SETBP1: variants seen among roughly 807,000 people sequenced by gnomAD.
The protein encoded by SETBP1 is SET-binding protein.
In SETBP1, 9 loss-of-function variants were observed where a neutral mutation model predicts 101.0. The observed-to-expected ratio is 0.09, with a 90% CI of 0.05 to 0.16. The LOEUF is 0.16. Ranked by LOEUF, SETBP1 falls within the 10% of genes least tolerant of loss-of-function variation. The pLI, the probability that SETBP1 is intolerant of heterozygous loss-of-function variation, is 1.00. For synonymous variants in SETBP1, 818 were observed against 788.5 expected (o/e 1.04, Z -0.63); for missense variants, 1,858 against 2,033.8 (o/e 0.91, Z 1.66).
At chr18:44,860,902 A>T (rs1302261040) in intron 2 of SETBP1, among the ~76,000 whole-genome samples, 1 of 152,222 alleles carries the variant, frequency 6.6e-6, no homozygotes, top group Admixed American at 6.5e-5. Context: ...CTTTACAGAG[A>T]TAAGCTGCTT....
At chr18:44,780,257 C>T (rs2071098146) in intron 2 of SETBP1, among the ~76,000 whole-genome samples, 1 of 152,180 alleles carries the variant, frequency 6.6e-6, no homozygotes, top group African/African-American at 2.4e-5. Context: ...TAATATTTTA[C>T]AAATGAAGGA....
chr18:45,030,928 G>A (rs536178596), intron 4 of SETBP1, among the ~76,000 whole-genome samples: 2 of 151,924 alleles, frequency 1.3e-5, no homozygotes, highest in South Asian at 2.1e-4. Context: ...CTTGCTAGCA[G>A]TCTATCAATT....
chr18:44,985,989 G>A (rs1450594198), intron 4 of SETBP1: 1 of 152,156 alleles, frequency 6.6e-6, no homozygotes, highest in Non-Finnish European at 1.5e-5. Flanking sequence ...AAGTGAGTTA[G>A]AAAAATATAC....
chr18:44,726,494 G>T (rs971113893), intron 2 of SETBP1, among the ~76,000 whole-genome samples: 1 of 152,142 alleles, frequency 6.6e-6, no homozygotes, highest in South Asian at 2.1e-4. Context: ...GCATGGGGAG[G>T]TTGAATAACT....
At chr18:44,811,905 T>C (rs1266664279) in intron 2 of SETBP1, among the ~76,000 whole-genome samples, 1 of 152,210 alleles carries the variant, frequency 6.6e-6, no homozygotes, top group Non-Finnish European at 1.5e-5. Flanking sequence ...TTTTCATGCT[T>C]TAAAGACCTG....
At chr18:44,787,816 T>C (rs2071271934) in intron 2 of SETBP1, among the ~76,000 whole-genome samples, 1 of 107,584 alleles carries the variant, frequency 9.3e-6, no homozygotes, top group Non-Finnish European at 1.8e-5. Flanking sequence ...ATTGCGCCAC[T>C]GCAGTCCGCA....
chr18:44,984,493 C>T (rs944759789), intron 4 of SETBP1, among the ~76,000 whole-genome samples: 4 of 152,150 alleles, frequency 2.6e-5, no homozygotes, highest in Non-Finnish European at 5.9e-5. Context: ...AATGCTCACT[C>T]CTCCTGCACC....
intron 2 of SETBP1, among the ~76,000 whole-genome samples, chr18:44,852,883 T>G (rs1046339094): frequency 6.6e-6 from 1 of 152,204 alleles, no homozygotes; most frequent in South Asian, 2.1e-4. Context: ...GTGTGTCTAT[T>G]TTTGTGTACA....
At chr18:44,793,537 A>C (rs970577740) in intron 2 of SETBP1, among the ~76,000 whole-genome samples, 2 of 152,200 alleles carry the variant, frequency 1.3e-5, no homozygotes, top group Admixed American at 6.5e-5. Flanking sequence ...AGACATACTG[A>C]ATTAGAGACT....
At chr18:44,867,589 C>A (rs2069156829) in intron 2 of SETBP1, among the ~76,000 whole-genome samples, 1 of 152,220 alleles carries the variant, frequency 6.6e-6, no homozygotes, top group Non-Finnish European at 1.5e-5. Flanking sequence ...TACATTTCAC[C>A]CTTAGTTCCT....
At position 44,791,838 on chromosome 18, in the gene SETBP1, G is replaced by T. The variant is rs1274707088; in HGVS notation, c.487-77392G>T. ...TGGCTCAAGTCTTGAAAAGCACAGA[G>T]TGATGTCAGCTGAGGCGGCCGCTTA... On this transcript the variant is annotated intron_variant, in intron 2 of 5. Coordinates refer to ENST00000649279, the MANE Select transcript of SETBP1 (RefSeq NM_015559.3). Among the ~76,000 whole-genome samples the T allele has an allele frequency of 3.3e-5, 5 of 152,292 alleles. No individual in the cohort carries two copies. The East Asian group carries it at 9.6e-4, about 29-fold the overall frequency.
intron 2 of SETBP1, among the ~76,000 whole-genome samples, chr18:44,766,321 T>A (rs1185821246): frequency 6.6e-6 from 1 of 152,248 alleles, no homozygotes; most frequent in African/African-American, 2.4e-5. Flanking sequence ...GTCTTGATTT[T>A]TCAGGTCTGT....
chr18:44,701,463 C>T lies in SETBP1; in HGVS notation c.117C>T (p.Leu39=), dbSNP rs2144196326. ...AAPGCAGEPL[L]STPGPGKGIP... is the part of the protein sequence containing the mutation. Reference sequence around the variant, plus strand: ...CTGGCTGTGCAGGAGAACCTTTGCTCTCCACTCCAGGACCTGGGAAGGGGA... The same window carrying T: ...CTGGCTGTGCAGGAGAACCTTTGCTTTCCACTCCAGGACCTGGGAAGGGGA... The change falls in exon 2 of 6, where the codon CTC becomes CTT. Residue 39 remains leucine, a synonymous_variant. Transcript: ENST00000649279. 2 of 1,613,318 alleles carry T rather than the reference C, an allele frequency of 1.2e-6. No homozygotes were observed. The highest frequency in any genetic ancestry group is 1.7e-6 in the Non-Finnish European group (2 of 1,179,484).
Position 44,990,634 on chromosome 18 carries a change from C to CA in SETBP1, c.4000+37303dup, listed in dbSNP as rs57868436. Among the ~76,000 whole-genome samples the CA allele has an allele frequency of 2.5e-3, 378 of 148,560 alleles. 2 individuals are homozygous for CA. The highest frequency in any genetic ancestry group is 8.3e-3 in the African/African-American group (337 of 40,508). On this transcript the variant is annotated intron_variant, in intron 4 of 5. Coordinates refer to ENST00000649279, the MANE Select transcript of SETBP1 (RefSeq NM_015559.3). The stretch of plus-strand genomic sequence containing the variant: ...ACAAACAAACAAAAAACAAACAAAC[C>CA]AAAAAAAAACATACACACACACACA...
At chr18:44,799,679 A>C (rs985832181) in intron 2 of SETBP1, among the ~76,000 whole-genome samples, 3 of 152,184 alleles carry the variant, frequency 2.0e-5, no homozygotes, top group African/African-American at 7.2e-5. Flanking sequence ...CGGAGCTAAA[A>C]AGAGGGCACA....
chr18:44,865,585 G>T (rs1263607100), intron 2 of SETBP1, among the ~76,000 whole-genome samples: 3 of 152,196 alleles, frequency 2.0e-5, no homozygotes, highest in African/African-American at 7.2e-5. Context: ...AGGTTCAGCT[G>T]TTTCTCCATC....
chr18:45,046,524 T>C (rs944142632), intron 5 of SETBP1, among the ~76,000 whole-genome samples: 3 of 152,248 alleles, frequency 2.0e-5, no homozygotes, highest in African/African-American at 7.2e-5. Flanking sequence ...TATGGCATTG[T>C]ACTTGCACTA....
chr18:44,762,577 A>G (rs1272490721), intron 2 of SETBP1, among the ~76,000 whole-genome samples: 1 of 152,220 alleles, frequency 6.6e-6, no homozygotes, highest in Non-Finnish European at 1.5e-5. Context: ...TATATTGTGA[A>G]GCAGAAAGGG....
At chr18:45,033,618 C>T (rs904847059) in intron 4 of SETBP1, among the ~76,000 whole-genome samples, 7 of 152,162 alleles carry the variant, frequency 4.6e-5, no homozygotes, top group African/African-American at 1.7e-4. Flanking sequence ...GCTTTCTTAC[C>T]ATGAAATATC....
Sources: allele counts gnomAD v4.1 joint callset (sites outside exome capture counted in the v4.1 genomes callset), GRCh38; gene constraint gnomAD v4.1.1; transcripts MANE v1.5; gene names NCBI Gene and HGNC (gene_info 2026-07-23, HGNC 2026-07-21).